Variants in ZFAND3 observed in about 807,000 individuals in gnomAD.
The protein encoded by ZFAND3 is zinc finger AN1-type containing 3, also known as AN1-type zinc finger protein 3.
In ZFAND3, 10 loss-of-function variants were observed where a neutral mutation model predicts 29.6. The ratio of observed to expected loss-of-function variants is 0.34; its 90% CI spans 0.21 to 0.57. The LOEUF (loss-of-function observed/expected upper bound fraction) is 0.57, where lower values mean the gene tolerates loss of function less well. Among genes scored for constraint, ZFAND3 ranks in the 20% least tolerant of loss-of-function variants. The pLI is 0.86. For synonymous variants in ZFAND3, 128 were observed against 112.6 expected, an observed-to-expected ratio of 1.14 and a Z score of -0.87; for missense variants, 230 against 304.5, an observed-to-expected ratio of 0.76 and a Z score of 1.82.
intron 2 of ZFAND3, among the ~76,000 whole-genome samples, chr6:38,049,855 A>T (rs1763983390): frequency 6.7e-6 from 1 of 150,146 alleles, no homozygotes; most frequent in Admixed American, 6.6e-5. Context: ...TGGGAAAGAG[A>T]TTGACTCTCC....
At chr6:37,869,683 A>AT (rs976049894) in intron 1 of ZFAND3, among the ~76,000 whole-genome samples, 5 of 148,960 alleles carry the variant, frequency 3.4e-5, no homozygotes, top group African/African-American at 1.2e-4. Flanking sequence ...TATTAAAAAA[A>AT]TTTTTTTTTG....
chr6:37,845,307 A>G (rs1764158260), intron 1 of ZFAND3, among the ~76,000 whole-genome samples: 1 of 152,128 alleles, frequency 6.6e-6, no homozygotes, highest in African/African-American at 2.4e-5. Context: ...AATGTGTTAT[A>G]TACACCCTCC....
intron 2 of ZFAND3, among the ~76,000 whole-genome samples, chr6:37,965,923 T>G (rs1208670722): frequency 6.6e-6 from 1 of 152,082 alleles, no homozygotes; most frequent in Admixed American, 6.5e-5. Flanking sequence ...CTACCATGCC[T>G]GGTTAATGTT....
At chr6:38,000,366 T>C (rs1581827514) in intron 2 of ZFAND3, among the ~76,000 whole-genome samples, 1 of 152,234 alleles carries the variant, frequency 6.6e-6, no homozygotes, top group East Asian at 1.9e-4. Flanking sequence ...CTGTATTTAT[T>C]AGTTCATTCT....
At chr6:37,887,584 A>T (rs1765018744) in intron 1 of ZFAND3, among the ~76,000 whole-genome samples, 1 of 152,212 alleles carries the variant, frequency 6.6e-6, no homozygotes, top group Non-Finnish European at 1.5e-5. Flanking sequence ...AAGGCTGATA[A>T]AAGTATGAAA....
intron 1 of ZFAND3, among the ~76,000 whole-genome samples, chr6:37,891,416 T>TCCAC (rs1765096184): frequency 8.5e-6 from 1 of 117,136 alleles, no homozygotes; most frequent in African/African-American, 3.8e-5. Context: ...GAGATTTCAG[T>TCCAC]CCCCCCCCCC....
At chr6:37,892,435 T>A (rs926681411) in intron 1 of ZFAND3, among the ~76,000 whole-genome samples, 78 of 152,266 alleles carry the variant, frequency 5.1e-4, no homozygotes, top group African/African-American at 1.8e-3. Context: ...CTTAAACATT[T>A]TTTAAAAAAT....
intron 1 of ZFAND3, among the ~76,000 whole-genome samples, chr6:37,855,221 G>A (rs1415877041): frequency 6.7e-6 from 1 of 149,100 alleles, no homozygotes; most frequent in Non-Finnish European, 1.5e-5. Flanking sequence ...CTCGTCTCAC[G>A]GCAGCCTCCA....
chr6:38,153,463 A>G lies in ZFAND3; in HGVS notation c.*1074A>G. The G allele has an allele frequency of 2.0e-6, 2 of 985,540 alleles. No individual in the cohort carries two copies. Among genetic ancestry groups the G allele is most frequent in the Non-Finnish European group, 2.4e-6 (2 of 830,072 alleles). The allele number at this position is 985,540 out of a possible 1,614,324, so 61.0% of individuals were successfully genotyped here. On this transcript the variant is annotated 3_prime_UTR_variant, in exon 6 of 6. Transcript: ENST00000287218. ...GTCCAAGGACACCCAGTCCACATCT[A>G]CCATATAGCAAGTTTAGTAAGGGAA...
At chr6:38,042,857 T>G (rs1473370701) in intron 2 of ZFAND3, among the ~76,000 whole-genome samples, 2 of 152,182 alleles carry the variant, frequency 1.3e-5, no homozygotes, top group Non-Finnish European at 2.9e-5. Context: ...AGTCATAGAT[T>G]AGCGTTCATG....
chr6:37,842,950 C>T (rs1412527383), intron 1 of ZFAND3, among the ~76,000 whole-genome samples: 1 of 151,362 alleles, frequency 6.6e-6, no homozygotes, highest in Non-Finnish European at 1.5e-5. Flanking sequence ...AGCAAAACCC[C>T]GTGTCTACTA....
intron 2 of ZFAND3, among the ~76,000 whole-genome samples, chr6:38,025,474 C>G (rs539409062): frequency 2.4e-4 from 36 of 152,104 alleles, no homozygotes; most frequent in African/African-American, 8.4e-4. Context: ...ACATCAGAGT[C>G]ATTACTACAA....
chr6:38,021,612 A>C (rs539871504), intron 2 of ZFAND3, among the ~76,000 whole-genome samples: 2 of 152,354 alleles, frequency 1.3e-5, no homozygotes, highest in South Asian at 4.1e-4. Flanking sequence ...AATTAATTGC[A>C]GTACCATAAT....
chr6:38,063,439 CA>C (rs1194253117), intron 3 of ZFAND3, among the ~76,000 whole-genome samples: 4 of 152,114 alleles, frequency 2.6e-5, no homozygotes, highest in Admixed American at 2.6e-4. Context: ...CAGTCCTCTG[CA>C]ACAAAAAATC....
rs765584274 is a variant in ZFAND3 at position 37,840,492 on chromosome 6, T to G, written c.71+20476T>G. Among the ~76,000 whole-genome samples, 39 of 152,284 alleles carry G rather than the reference T, an allele frequency of 2.6e-4. 1 individual carries two copies. The highest frequency in any genetic ancestry group is 6.0e-4 in the African/African-American group (25 of 41,484). ...GTTTTGAAACCAGGAATTGTGTGACTTCTACAATTTCATTCTTCTTTATCA... is the reference window on the plus strand; with the variant it reads ...GTTTTGAAACCAGGAATTGTGTGACGTCTACAATTTCATTCTTCTTTATCA... On this transcript the variant is annotated intron_variant, in intron 1 of 5. Transcript: ENST00000287218.
intron 4 of ZFAND3, among the ~76,000 whole-genome samples, chr6:38,094,948 T>C (rs1478415501): frequency 2.0e-5 from 3 of 152,196 alleles, no homozygotes; most frequent in Non-Finnish European, 4.4e-5. Context: ...AGCACCATGT[T>C]CCAGAGCTCA....
Position 37,938,125 on chromosome 6 carries a change from ATTG to A in ZFAND3, c.112+8129_112+8131del, listed in dbSNP as rs372770134. 3.1e-3 allele frequency among the ~76,000 whole-genome samples: 468 copies of A among 152,304 alleles called. 2 individuals are homozygous for A. Among genetic ancestry groups the A allele is most frequent in the African/African-American group, 0.011 (446 of 41,552 alleles). On this transcript the variant is annotated intron_variant, in intron 2 of 5. Transcript: ENST00000287218. ...ATTATGAATGGGCATTTATATAAATATTGTTATGATTCTGTTTTTAAAATGTTT... is the reference window on the plus strand; with the variant it reads ...ATTATGAATGGGCATTTATATAAATATTATGATTCTGTTTTTAAAATGTTT...
intron 2 of ZFAND3, among the ~76,000 whole-genome samples, chr6:38,053,123 T>C (rs1473564491): frequency 1.3e-5 from 2 of 151,176 alleles, no homozygotes; most frequent in African/African-American, 4.9e-5. Flanking sequence ...GCACTGGAGA[T>C]GGCTAAAGCA....
chr6:38,108,536 G>C (rs777382023), intron 4 of ZFAND3, among the ~76,000 whole-genome samples: 3 of 152,210 alleles, frequency 2.0e-5, no homozygotes, highest in Non-Finnish European at 4.4e-5. Flanking sequence ...AAAGGCCGAA[G>C]AATCTGGAGT....
Sources: allele counts gnomAD v4.1 joint callset (sites outside exome capture counted in the v4.1 genomes callset), GRCh38; gene constraint gnomAD v4.1.1; transcripts MANE v1.5; gene names NCBI Gene and HGNC (gene_info 2026-07-23, HGNC 2026-07-21).